The following RBM33 variants were observed in gnomAD, a reference collection of about 807,000 sequenced individuals.
The protein encoded by RBM33 is RNA-binding protein 33.
RBM33 carries 28 observed loss-of-function variants against 132.6 expected under a neutral mutation model. The observed-to-expected ratio is 0.21, with a 90% CI of 0.16 to 0.29. The LOEUF (loss-of-function observed/expected upper bound fraction) is 0.29. RBM33 is among the 10% of genes least tolerant of loss of function. The pLI is 1.00. For synonymous variants in RBM33, 634 were observed against 593.0 expected (o/e 1.07, Z -1.01); for missense variants, 1,291 against 1,518.5 (o/e 0.85, Z 2.49).
chr7:155,751,020 A>G (rs1207410824), intron 14 of RBM33, among the ~76,000 whole-genome samples: 1 of 152,142 alleles, frequency 6.6e-6, no homozygotes, highest in East Asian at 1.9e-4. Context: ...TCATGCATTT[A>G]TGGCTTTGGA....
At chr7:155,766,871 GAAAT>G (rs1246848821) in intron 16 of RBM33, 3 of 578,754 alleles carry the variant, frequency 5.2e-6, no homozygotes, top group South Asian at 2.2e-5. Flanking sequence ...TAAATTTTAA[GAAAT>G]AAATACCCCA....
intron 9 of RBM33, among the ~76,000 whole-genome samples, chr7:155,725,287 A>G (rs1487488829): frequency 6.6e-6 from 1 of 151,002 alleles, no homozygotes; most frequent in Non-Finnish European, 1.5e-5. Flanking sequence ...AATAAAAAAA[A>G]ATTGAGTGAT....
intron 9 of RBM33, among the ~76,000 whole-genome samples, chr7:155,721,261 G>A (rs543676048): frequency 2.0e-5 from 3 of 152,224 alleles, no homozygotes; most frequent in African/African-American, 4.8e-5. Context: ...TCCTGTGCTC[G>A]GTGGTGCACT....
intron 5 of RBM33, among the ~76,000 whole-genome samples, chr7:155,696,694 TA>T (rs1169022078): frequency 2.0e-4 from 30 of 152,190 alleles, no homozygotes; most frequent in Admixed American, 6.5e-4. Context: ...TAAATTAACT[TA>T]AAAAAATGAT....
rs529306909 is a variant in RBM33, at chr7:155,764,883, C to T, written c.3186+865C>T. Among the ~76,000 whole-genome samples the T allele has an allele frequency of 7.9e-5, 12 of 152,360 alleles. No homozygotes were observed. In the East Asian group the frequency reaches 1.7e-3, roughly 22 times the overall value. ...TCCTTTTGAAGTACTTAAGTTACTT[C>T]GTCTTATCTCATAAACACTTCATGA... is the stretch of plus-strand genomic sequence containing the variant. On this transcript the variant is annotated intron_variant, in intron 15 of 17. Transcript: ENST00000401878.
intron 5 of RBM33, among the ~76,000 whole-genome samples, chr7:155,690,229 C>T (rs1023726692): frequency 6.6e-6 from 1 of 152,124 alleles, no homozygotes; most frequent in Non-Finnish European, 1.5e-5. Context: ...ATGTAATGCC[C>T]TTCTTTGTCT....
chr7:155,778,141 C>T lies in RBM33; in HGVS notation c.*3100C>T, dbSNP rs776063749. On this transcript the variant is annotated 3_prime_UTR_variant, in exon 18 of 18. Transcript: ENST00000401878. The surrounding 1 kb of genome is among the most constrained non-coding windows in gnomAD (Gnocchi z 4.0). Reference sequence around the variant, plus strand: ...TGTTTTGTGGACAGGCAGCAGCCTCCGTAGGCACCCGCACCCTGCCTTGCT... The same window carrying T: ...TGTTTTGTGGACAGGCAGCAGCCTCTGTAGGCACCCGCACCCTGCCTTGCT... 6.6e-6 allele frequency: 1 copy of T among 152,608 alleles called. No individual in the cohort carries two copies. Among genetic ancestry groups the T allele is most frequent in the South Asian group, 2.1e-4 (1 of 4,834 alleles). The allele number at this position is 152,608 out of a possible 1,614,324, so 9.5% of individuals were successfully genotyped here.
chr7:155,734,360 A>C (rs905405811), intron 9 of RBM33, among the ~76,000 whole-genome samples: 10 of 152,346 alleles, frequency 6.6e-5, no homozygotes, highest in African/African-American at 2.2e-4. Context: ...AACCATCATC[A>C]AACCTGCTTG....
At chr7:155,688,787 G>A (rs1467901475) in intron 5 of RBM33, among the ~76,000 whole-genome samples, 1 of 152,172 alleles carries the variant, frequency 6.6e-6, no homozygotes, top group Non-Finnish European at 1.5e-5. Context: ...TTATTAATTT[G>A]CGTATGTTGA....
At chr7:155,753,432 G>GT (rs1563176868) in intron 14 of RBM33, among the ~76,000 whole-genome samples, 1 of 152,194 alleles carries the variant, frequency 6.6e-6, no homozygotes, top group African/African-American at 2.4e-5. Flanking sequence ...GGGAACCCAC[G>GT]TTTTTTAGCC....
In RBM33 at chr7:155,781,406, T is replaced by C. The variant is rs1802830901; in HGVS notation, c.*6365T>C. ...TGTTGTGTGTTTCATTTGTGTGATT[T>C]CGTACCAAAAAAATGTGTTTGAACT... On this transcript the variant is annotated 3_prime_UTR_variant, in exon 18 of 18. Transcript: ENST00000401878. The C allele has an allele frequency of 6.6e-6, 1 of 152,266 alleles. No homozygotes were observed. The highest frequency in any genetic ancestry group is 6.5e-5 in the Admixed American group (1 of 15,292). 9.4% of individuals were successfully genotyped at this position (152,266 alleles called of 1,614,324 possible). A position where few individuals can be genotyped will look rare whatever the true frequency, so the allele number is the denominator to read the frequency against.
chr7:155,723,783 C>A (rs1800695666), intron 9 of RBM33, among the ~76,000 whole-genome samples: 1 of 152,158 alleles, frequency 6.6e-6, no homozygotes, highest in Admixed American at 6.5e-5. Flanking sequence ...TCTGTTGGAG[C>A]TGTTGAGCTA....
At chr7:155,729,250 C>T (rs897462145) in intron 9 of RBM33, among the ~76,000 whole-genome samples, 1 of 152,090 alleles carries the variant, frequency 6.6e-6, no homozygotes, top group African/African-American at 2.4e-5. Flanking sequence ...CACCACCCAC[C>T]AGGTCCCTCC....
chr7:155,770,352 A>G (rs1013028902), intron 16 of RBM33, among the ~76,000 whole-genome samples: 1 of 152,164 alleles, frequency 6.6e-6, no homozygotes, highest in Non-Finnish European at 1.5e-5. Context: ...TGGTCACACA[A>G]TGACCTGTGT....
rs1801173437 is a variant in RBM33, at chr7:155,737,658, A to G, written c.1389A>G (p.Leu463=). The change falls in exon 10 of 18, where the codon TTA becomes TTG. Residue 463 remains leucine, a synonymous_variant. Coordinates refer to ENST00000401878, the MANE Select transcript of RBM33 (RefSeq NM_053043.3). ...CTCAGGATCGAGACCCTTTCTTCTT[A>G]GGAGGTACAGAAAGAGTGAGTGGTG... The part of the protein sequence containing the change: ...PPPQDRDPFF[L]GVSGEPRFPS... The G allele has an allele frequency of 6.3e-7, 1 of 1,576,660 alleles. No individual in the cohort carries two copies. Among genetic ancestry groups the G allele is most frequent in the Non-Finnish European group, 8.6e-7 (1 of 1,166,014 alleles).
At chr7:155,763,410 A>G (rs1022092897) in intron 14 of RBM33, among the ~76,000 whole-genome samples, 11 of 152,238 alleles carry the variant, frequency 7.2e-5, no homozygotes, top group Non-Finnish European at 1.3e-4. Context: ...TAAGAGTTTA[A>G]AACCACTGCT....
chr7:155,745,332 A>G lies in RBM33; in HGVS notation c.2709A>G (p.Gln903=), dbSNP rs1209962552. The change falls in exon 14 of 18, where the codon CAA becomes CAG. Residue 903 remains glutamine (Q), a synonymous_variant. Transcript: ENST00000401878. This position sits in a 1 kb window ranked among gnomAD's most constrained non-coding sequence, Gnocchi z 4.1. Reference sequence around the variant, plus strand: ...CATCCAGTGCCAACATGCAGTATCAAGGACAACAGATGAAAGCACTGAAAC... The same window carrying G: ...CATCCAGTGCCAACATGCAGTATCAGGGACAACAGATGAAAGCACTGAAAC... ...FVPSSANMQY[Q]GQQMKALKHL... is the part of the protein sequence containing the mutation. 1 of 1,613,352 alleles carries G rather than the reference A, an allele frequency of 6.2e-7. No individual in the cohort carries two copies. The highest frequency in any genetic ancestry group is 2.2e-5 in the East Asian group (1 of 44,878).
rs2116990531 is a variant in RBM33, at chr7:155,718,399, G to C, written c.1216G>C (p.Val406Leu). The change falls in exon 9 of 18, where the codon GTT becomes CTT. Residue 406 changes from valine (V) to leucine (L), a missense_variant. Transcript: ENST00000401878. Reference protein sequence around the residue: ...VTPVQVPLLPVPSQPRPAVGP... With the variant: ...VTPVQVPLLPLPSQPRPAVGP... ...TTTTCTTGCAGTGCCCTTGCTACCA[G>C]TTCCGAGCCAGCCGAGACCTGCCGT... The C allele has an allele frequency of 1.2e-6, 2 of 1,613,842 alleles. No individual in the cohort carries two copies. The highest frequency in any genetic ancestry group is 4.5e-5 in the East Asian group (2 of 44,872).
chr7:155,699,966 C>CT (rs1431900452), intron 5 of RBM33, among the ~76,000 whole-genome samples: 1 of 152,066 alleles, frequency 6.6e-6, no homozygotes, highest in Non-Finnish European at 1.5e-5. Flanking sequence ...TATTTTATGT[C>CT]TAAGAGTGGG....
Sources: gnomAD v4.1 joint callset for allele counts (sites outside exome capture counted in the v4.1 genomes callset) on GRCh38, gnomAD v4.1.1 for gene constraint, Gnocchi (gnomAD v3.1) non-coding constraint, MANE v1.5 for transcripts, NCBI Gene and HGNC (gene_info 2026-07-23, HGNC 2026-07-21) for gene names.